The following RAB23 variants were observed in gnomAD, a reference collection of about 807,000 sequenced individuals.
RAB23 encodes ras-related protein Rab-23.
RAB23 carries 15 observed loss-of-function variants against 30.0 expected under a neutral mutation model. That is an observed-to-expected ratio of 0.50 (90% CI 0.33 to 0.77). The LOEUF is 0.77. Ranked by LOEUF, RAB23 falls within the 30% of genes least tolerant of loss-of-function variation. The pLI is 0.02. For missense variants in RAB23, 243 were observed against 275.4 expected, an observed-to-expected ratio of 0.88 and a Z score of 0.83; for synonymous variants, 93 against 94.0, an observed-to-expected ratio of 0.99 and a Z score of 0.06.
intron 3 of RAB23, among the ~76,000 whole-genome samples, chr6:57,201,078 C>T: frequency 6.8e-6 from 1 of 147,106 alleles, no homozygotes; most frequent in East Asian, 2.0e-4. Context: ...GAAGGATTTT[C>T]TCTCTCTCTT....
Position 57,187,672 on chromosome 6 carries a change from G to C in RAB23, c.*2789C>G, listed in dbSNP as rs1217337580. ...ACTAAGTTGGGACATTAGGTCCTAA[G>C]GCCAACTCCCTATTCTAAGGTCTTC... On this transcript the variant is annotated 3_prime_UTR_variant, in exon 7 of 7. Transcript: ENST00000468148. 1 of 152,058 alleles carries C rather than the reference G, an allele frequency of 6.6e-6. No individual in the cohort carries two copies. The highest frequency in any genetic ancestry group is 1.5e-5 in the Non-Finnish European group (1 of 68,004). 9.4% of individuals were successfully genotyped at this position (152,058 alleles called of 1,614,324 possible).
rs536771333 is a variant in RAB23 at position 57,188,722 on chromosome 6, C to T, written c.*1739G>A. 1.5e-4 allele frequency: 23 copies of T among 152,214 alleles called. No homozygotes were observed. Among genetic ancestry groups the T allele is most frequent in the African/African-American group, 5.3e-4 (22 of 41,542 alleles). 9.4% of individuals were successfully genotyped at this position (152,214 alleles called of 1,614,324 possible). ...TGACAACTGGTGACATAAAAATAAG[C>T]ATTTTACATTACTGTGAAATAGATA... On this transcript the variant is annotated 3_prime_UTR_variant, in exon 7 of 7. Coordinates refer to ENST00000468148, the MANE Select transcript of RAB23 (RefSeq NM_016277.5).
intron 1 of RAB23, chr6:57,221,173 A>C (rs1401118519): frequency 1.3e-5 from 2 of 152,226 alleles, no homozygotes; most frequent in African/African-American, 4.8e-5. Flanking sequence ...GTAGAAGTAC[A>C]GGTTATATTT....
Position 57,193,944 on chromosome 6 carries a change from A to G in RAB23, c.482-10T>C. 6.2e-7 allele frequency: 1 copy of G among 1,609,960 alleles called. No individual in the cohort carries two copies. The highest frequency in any genetic ancestry group is 1.1e-5 in the South Asian group (1 of 90,614). On this transcript the variant is annotated splice_polypyrimidine_tract_variant and intron_variant, in intron 5 of 6. Transcript: ENST00000468148. The stretch of plus-strand genomic sequence containing the variant: ...GCCAAATACTTAAAAACTAGAATAA[A>G]AAGAAAACACCCAGAACCAGGTCAA...
At chr6:57,205,085 T>C (rs1470504429) in intron 3 of RAB23, among the ~76,000 whole-genome samples, 2 of 150,850 alleles carry the variant, frequency 1.3e-5, no homozygotes, top group Non-Finnish European at 3.0e-5. Context: ...TATACATATA[T>C]TTGCATTTAT....
At chr6:57,205,784 T>G (rs1470278955) in intron 3 of RAB23, among the ~76,000 whole-genome samples, 1 of 152,150 alleles carries the variant, frequency 6.6e-6, no homozygotes, top group African/African-American at 2.4e-5. Context: ...GAAACACAGT[T>G]GTAAAGTCCT....
At chr6:57,195,306 C>T (rs1313208511) in intron 4 of RAB23, among the ~76,000 whole-genome samples, 3 of 152,134 alleles carry the variant, frequency 2.0e-5, no homozygotes, top group Non-Finnish European at 4.4e-5. Flanking sequence ...GGCCATGAAA[C>T]AATTTTGCTG....
chr6:57,191,227 C>CT lies in RAB23; in HGVS notation c.575-628dup, dbSNP rs776177513. On this transcript the variant is annotated intron_variant, in intron 6 of 6. Coordinates refer to ENST00000468148, the MANE Select transcript of RAB23 (RefSeq NM_016277.5). Reference sequence around the variant, plus strand: ...CTGTAAAAGAGGTCACATTAGGGCTCTTTTTTACCCAGATTTTCACCCCTT... The same window carrying CT: ...CTGTAAAAGAGGTCACATTAGGGCTCTTTTTTTACCCAGATTTTCACCCCTT... 3.9e-5 allele frequency among the ~76,000 whole-genome samples: 6 copies of CT among 152,114 alleles called. No individual in the cohort carries two copies. The South Asian group carries it at 6.2e-4, about 16-fold the overall frequency.
rs146813081 is a variant in RAB23, at chr6:57,214,120, C to T, written c.-65-3675G>A. On this transcript the variant is annotated intron_variant, in intron 1 of 6. Coordinates refer to ENST00000468148, the MANE Select transcript of RAB23 (RefSeq NM_016277.5). ...CAGTCATCCCTACCCCTTTTCACCT[C>T]TACTTTTTTGCTGGGGTGGTGTCAG... Among the ~76,000 whole-genome samples, 127 of 152,248 alleles carry T rather than the reference C, an allele frequency of 8.3e-4. 1 individual carries two copies. In the East Asian group the frequency reaches 0.021, roughly 26 times the overall value.
intron 2 of RAB23, among the ~76,000 whole-genome samples, chr6:57,209,872 G>T (rs1020118994): frequency 6.6e-6 from 1 of 152,104 alleles, no homozygotes; most frequent in Non-Finnish European, 1.5e-5. Flanking sequence ...ATAAAAACGA[G>T]CCCATAATAT....
At chr6:57,204,671 A>G (rs1765388111) in intron 3 of RAB23, among the ~76,000 whole-genome samples, 1 of 152,186 alleles carries the variant, frequency 6.6e-6, no homozygotes, top group Non-Finnish European at 1.5e-5. Context: ...AGAAGTAAAA[A>G]AGATAATTAG....
At chr6:57,200,208 T>A (rs1465316478) in intron 3 of RAB23, among the ~76,000 whole-genome samples, 1 of 151,114 alleles carries the variant, frequency 6.6e-6, no homozygotes, top group African/African-American at 2.4e-5. Flanking sequence ...TTTTTTTTTT[T>A]AATATGAGAT....
rs1049320704 is a variant in RAB23 at position 57,194,933 on chromosome 6, A to G, written c.399-81T>C. The G allele has an allele frequency of 1.4e-5, 15 of 1,055,104 alleles. No individual in the cohort carries two copies. The African/African-American group carries it at 2.3e-4, about 17-fold the overall frequency. 65.4% of individuals were successfully genotyped at this position (1,055,104 alleles called of 1,614,324 possible). ...TTTTAAATCACTTTTAATTACATTT[A>G]CTGAATACAGTTTGGCAGGGAAGGG... On this transcript the variant is annotated intron_variant, in intron 4 of 6. Coordinates refer to ENST00000468148, the MANE Select transcript of RAB23 (RefSeq NM_016277.5).
In RAB23 at chr6:57,193,869, G is replaced by A. The variant is rs1473586028; in HGVS notation, c.547C>T (p.Leu183=). 2 of 1,612,936 alleles carry A rather than the reference G, an allele frequency of 1.2e-6. No homozygotes were observed. The highest frequency in any genetic ancestry group is 4.5e-5 in the East Asian group (2 of 44,692). The change falls in exon 6 of 7, where the codon CTA becomes TTA. Residue 183 remains leucine, a synonymous_variant. Coordinates refer to ENST00000468148, the MANE Select transcript of RAB23 (RefSeq NM_016277.5). ...ATCTTGTTACTACTTGAATGCGTTA[G>A]TTCTGGATCCTCAGCTATTTGTTGT... ...LKQQIAEDPE[L]THSSSNKIGV...
chr6:57,216,316 C>A (rs993222122), intron 1 of RAB23, among the ~76,000 whole-genome samples: 1 of 152,044 alleles, frequency 6.6e-6, no homozygotes, highest in African/African-American at 2.4e-5. Context: ...TAATGTAATA[C>A]CAAGAACAAC....
At chr6:57,193,723 T>C (rs1277774601) in intron 6 of RAB23, 119 bp downstream of exon 6, 11 of 1,364,916 alleles carry the variant, frequency 8.1e-6, no homozygotes, top group Non-Finnish European at 1.1e-5. Context: ...GATACTTAAA[T>C]CACTGACTTA....
chr6:57,210,205 A>C, intron 2 of RAB23, 21 bp downstream of exon 2: 1 of 1,609,406 alleles, frequency 6.2e-7, no homozygotes, highest in Non-Finnish European at 8.5e-7. Flanking sequence ...AGCCAAAGGA[A>C]TAAAATGGCC....
rs1764700456 is a variant in RAB23 at position 57,188,525 on chromosome 6, A to AAAG, written c.*1933_*1935dup. ...TATAACAAGTGATTTTTCTGCCAATAAAGACAAAAGACTATTTGTTGCAAA... is the reference window on the plus strand; with the variant it reads ...TATAACAAGTGATTTTTCTGCCAATAAAGAAGACAAAAGACTATTTGTTGCAAA... On this transcript the variant is annotated 3_prime_UTR_variant, in exon 7 of 7. Coordinates refer to ENST00000468148, the MANE Select transcript of RAB23 (RefSeq NM_016277.5). 1.3e-5 allele frequency: 2 copies of AAAG among 152,284 alleles called. No homozygotes were observed. Among genetic ancestry groups the AAAG allele is most frequent in the South Asian group, 2.1e-4 (1 of 4,824 alleles). 9.4% of individuals were successfully genotyped at this position (152,284 alleles called of 1,614,324 possible). A position where few individuals can be genotyped will look rare whatever the true frequency, so the allele number is the denominator to read the frequency against.
intron 1 of RAB23, among the ~76,000 whole-genome samples, chr6:57,221,006 T>C (rs77987272): frequency 0.025 from 3,880 of 152,280 alleles, 173 homozygotes; most frequent in African/African-American, 0.087. Flanking sequence ...AGCATACTTC[T>C]GAGTACAATT....
Sources: gnomAD v4.1 joint callset for allele counts (sites outside exome capture counted in the v4.1 genomes callset) on GRCh38, gnomAD v4.1.1 for gene constraint, MANE v1.5 for transcripts, NCBI Gene and HGNC (gene_info 2026-07-23, HGNC 2026-07-21) for gene names.